The following CELF4 variants were observed in gnomAD, a reference collection of about 807,000 sequenced individuals.
CELF4 encodes the protein CUG-BP- and ETR-3-like factor 4.
A neutral mutation model predicts 59.9 loss-of-function variants in CELF4; 18 were observed. The observed-to-expected ratio is 0.30, with a 90% CI of 0.21 to 0.45. The LOEUF is 0.45. CELF4 is among the 20% of genes least tolerant of loss of function. The probability of loss-of-function intolerance (pLI) is 1.00; values close to 1 mark genes in which losing one functional copy is unlikely to be tolerated. For missense variants in CELF4, 456 were observed against 689.0 expected (o/e 0.66, Z 3.79); for synonymous variants, 261 against 267.1 (o/e 0.98, Z 0.22).
At chr18:37,439,320 T>C (rs1363947038) in intron 2 of CELF4, among the ~76,000 whole-genome samples, 1 of 152,164 alleles carries the variant, frequency 6.6e-6, no homozygotes. Flanking sequence ...TCAGTGTCCA[T>C]GAAAGTGGGG....
intron 3 of CELF4, among the ~76,000 whole-genome samples, chr18:37,308,725 G>T (rs1415428687): frequency 6.6e-6 from 1 of 152,112 alleles, no homozygotes; most frequent in African/African-American, 2.4e-5. Context: ...CAGTCACCCA[G>T]TGCCAGGATT....
At chr18:37,385,144 C>T (rs1270004844) in intron 2 of CELF4, among the ~76,000 whole-genome samples, 7 of 151,844 alleles carry the variant, frequency 4.6e-5, no homozygotes, top group Non-Finnish European at 8.8e-5. Flanking sequence ...GTCAGGAGTT[C>T]GAGACCAGCC....
intron 3 of CELF4, among the ~76,000 whole-genome samples, chr18:37,320,317 CAG>C (rs1480813487): frequency 3.3e-5 from 4 of 120,274 alleles, no homozygotes; most frequent in Non-Finnish European, 6.5e-5. Context: ...GCCTGGGCGA[CAG>C]AGTGAGACTC....
chr18:37,256,278 T>C (rs1345737501), intron 11 of CELF4, among the ~76,000 whole-genome samples: 1 of 152,230 alleles, frequency 6.6e-6, no homozygotes, highest in Non-Finnish European at 1.5e-5. Flanking sequence ...GTGCTAGACA[T>C]GCCCTCATGA....
intron 2 of CELF4, among the ~76,000 whole-genome samples, chr18:37,417,782 A>G (rs576577390): frequency 4.3e-4 from 66 of 152,326 alleles, no homozygotes; most frequent in South Asian, 8.3e-4. Flanking sequence ...AACCCCATCC[A>G]GATGTCCTGT....
intron 1 of CELF4, among the ~76,000 whole-genome samples, chr18:37,534,084 G>T (rs2154605182): frequency 6.6e-6 from 1 of 152,326 alleles, no homozygotes; most frequent in Non-Finnish European, 1.5e-5. Flanking sequence ...TTACTGACAG[G>T]CTCCTGGGTA....
intron 2 of CELF4, among the ~76,000 whole-genome samples, chr18:37,351,665 C>T (rs2098444963): frequency 6.9e-6 from 1 of 145,304 alleles, no homozygotes; most frequent in Non-Finnish European, 1.5e-5. Flanking sequence ...GGCTGGAGTG[C>T]AGTGGTGCGA....
intron 1 of CELF4, among the ~76,000 whole-genome samples, chr18:37,491,241 A>G (rs2099903930): frequency 7.0e-6 from 1 of 143,604 alleles, no homozygotes; most frequent in Non-Finnish European, 1.5e-5. Flanking sequence ...ACCCGAGAGG[A>G]CGCCGTGCCC....
chr18:37,533,341 C>T (rs956529318), intron 1 of CELF4, among the ~76,000 whole-genome samples: 3 of 152,144 alleles, frequency 2.0e-5, no homozygotes, highest in Non-Finnish European at 4.4e-5. Flanking sequence ...GCCTCCACTA[C>T]GGCAGGTGAG....
At position 37,518,224 on chromosome 18, in the gene CELF4, G is replaced by T. The variant is rs541686989; in HGVS notation, c.287-32617C>A. On this transcript the variant is annotated intron_variant, in intron 1 of 12. Transcript: ENST00000420428. ...CTGCTGGCTGGCAGGCAGGCTGGTG[G>T]GCGGGCAAGCGTAATATTACCCCTA... Among the ~76,000 whole-genome samples the T allele has an allele frequency of 6.6e-5, 10 of 152,300 alleles. No individual in the cohort carries two copies. The South Asian group carries it at 1.0e-3, about 16-fold the overall frequency.
chr18:37,259,138 T>C (rs2072454306), intron 11 of CELF4, 43 bp downstream of exon 11: 5 of 1,613,222 alleles, frequency 3.1e-6, no homozygotes, highest in African/African-American at 1.3e-5. Context: ...TTTACTTTGG[T>C]TAGTCGCCCG....
chr18:37,254,086 C>T lies in CELF4; in HGVS notation c.1334-148G>A. The T allele has an allele frequency of 4.6e-6, 2 of 436,440 alleles. No homozygotes were observed. Among genetic ancestry groups the T allele is most frequent in the Admixed American group, 5.2e-5 (1 of 19,158 alleles). The allele number at this position is 436,440 out of a possible 1,614,324, so 27.0% of individuals were successfully genotyped here. A position where few individuals can be genotyped will look rare whatever the true frequency, so the allele number is the denominator to read the frequency against. Reference sequence around the variant, plus strand: ...CCCCGGCCCCGCCCCGGTGCCCGCCCCTCTCCAGCCCGCGCGCGCGTGCTA... The same window carrying T: ...CCCCGGCCCCGCCCCGGTGCCCGCCTCTCTCCAGCCCGCGCGCGCGTGCTA... On this transcript the variant is annotated intron_variant, in intron 11 of 12. Coordinates refer to ENST00000420428, the MANE Select transcript of CELF4 (RefSeq NM_020180.4). The surrounding 1 kb of genome is among the most constrained non-coding windows in gnomAD (Gnocchi z 5.1).
chr18:37,423,058 G>A (rs1451851588), intron 2 of CELF4, among the ~76,000 whole-genome samples: 85 of 51,848 alleles, frequency 1.6e-3, no homozygotes, highest in Non-Finnish European at 2.4e-3. Flanking sequence ...ACACATGCGC[G>A]CGCGCGCACA....
At chr18:37,365,952 T>C (rs1219158660) in intron 2 of CELF4, among the ~76,000 whole-genome samples, 2 of 152,184 alleles carry the variant, frequency 1.3e-5, no homozygotes, top group African/African-American at 4.8e-5. Flanking sequence ...GGGCCCCCTA[T>C]TGACCCTTTG....
chr18:37,540,402 G>A (rs553741263), intron 1 of CELF4, among the ~76,000 whole-genome samples: 2 of 151,398 alleles, frequency 1.3e-5, no homozygotes, highest in African/African-American at 2.4e-5. Flanking sequence ...ACGGGCCAGC[G>A]GTCTGCCTCA....
At chr18:37,523,623 G>T (rs897212184) in intron 1 of CELF4, among the ~76,000 whole-genome samples, 1 of 152,318 alleles carries the variant, frequency 6.6e-6, no homozygotes. Context: ...AGCAAATCCT[G>T]CAGCTCAGGC....
At chr18:37,426,920 G>A (rs1039362119) in intron 2 of CELF4, among the ~76,000 whole-genome samples, 1 of 149,740 alleles carries the variant, frequency 6.7e-6, no homozygotes, top group African/African-American at 2.5e-5. Context: ...CCAATGACTT[G>A]CAGAGACTTT....
At chr18:37,486,534 G>A (rs924797086) in intron 1 of CELF4, among the ~76,000 whole-genome samples, 1 of 152,236 alleles carries the variant, frequency 6.6e-6, no homozygotes, top group Non-Finnish European at 1.5e-5. Context: ...CCCATAAGCT[G>A]TCCAGCATGC....
At chr18:37,459,728 C>T (rs910522733) in intron 2 of CELF4, among the ~76,000 whole-genome samples, 19 of 152,118 alleles carry the variant, frequency 1.2e-4, no homozygotes, top group African/African-American at 4.3e-4. Context: ...CTTGGGTTGG[C>T]TGTGCTCACA....
Sources: gnomAD v4.1 joint callset for allele counts (sites outside exome capture counted in the v4.1 genomes callset) on GRCh38, gnomAD v4.1.1 for gene constraint, Gnocchi (gnomAD v3.1) non-coding constraint, MANE v1.5 for transcripts, NCBI Gene and HGNC (gene_info 2026-07-23, HGNC 2026-07-21) for gene names.